Variants in F8 observed in about 807,000 individuals in gnomAD.
F8 encodes the protein coagulation factor VIII, also known as antihemophilic factor.
A neutral mutation model predicts 140.6 loss-of-function variants in F8; 12 were observed. That is an observed-to-expected ratio of 0.09 (90% CI 0.05 to 0.14). The LOEUF is 0.14. Ranked by LOEUF, F8 falls within the 10% of genes least tolerant of loss-of-function variation. The pLI is 1.00. For synonymous variants in F8, 585 were observed against 614.6 expected (o/e 0.95, Z 0.71); for missense variants, 1,354 against 1,720.7 (o/e 0.79, Z 3.77).
At position 154,943,450 on chromosome X, in the gene F8, A is replaced by C. The variant is rs781968879; in HGVS notation, c.2113+4248T>G. On this transcript the variant is annotated intron_variant, in intron 13 of 25. Coordinates refer to ENST00000360256, the MANE Select transcript of F8 (RefSeq NM_000132.4). The stretch of plus-strand genomic sequence containing the variant: ...CAAAGAGAATAAAATACCTAGGAAT[A>C]CAACTTACAACGGATGTGAAGGACC... Among the ~76,000 whole-genome samples, 1,104 of 111,724 alleles carry C rather than the reference A, an allele frequency of 9.9e-3. 14 individuals carry two copies. The highest frequency in any genetic ancestry group is 0.034 in the African/African-American group (1,040 of 30,659).
At chrX:155,000,698 A>G (rs781876887) in intron 1 of F8, among the ~76,000 whole-genome samples, 3 of 112,365 alleles carry the variant, frequency 2.7e-5, no homozygotes, top group Non-Finnish European at 5.6e-5. Context: ...TGCCATAACA[A>G]AACACATCAG....
chrX:154,982,445 C>CA lies in F8; in HGVS notation c.787+2241dup, dbSNP rs782689011. ...CCTGGGCGACAGCAAGACTCCGTCT[C>CA]AAAAAAAAAAAAAAAAAAAATATAT... On this transcript the variant is annotated intron_variant, in intron 6 of 25. Transcript: ENST00000360256. Among the ~76,000 whole-genome samples the CA allele has an allele frequency of 4.3e-3, 257 of 59,406 alleles. 2 individuals carry two copies. The highest frequency in any genetic ancestry group is 7.8e-3 in the African/African-American group (126 of 16,115). The allele number at this position is 59,406 out of a possible 115,157, so 51.6% of individuals were successfully genotyped here.
chrX:154,962,228 T>A (rs1557281636), intron 9 of F8, among the ~76,000 whole-genome samples: 2 of 112,052 alleles, frequency 1.8e-5, no homozygotes, highest in Non-Finnish European at 3.8e-5. Flanking sequence ...CCTGCAACCC[T>A]TTCCACTCCA....
chrX:154,937,731 C>T (rs1332242170), intron 13 of F8, among the ~76,000 whole-genome samples: 2 of 110,935 alleles, frequency 1.8e-5, no homozygotes, highest in Non-Finnish European at 3.8e-5. Context: ...ATGTGCAAGA[C>T]CTGTACACTA....
At chrX:154,987,916 T>C (rs1325881987) in intron 4 of F8, among the ~76,000 whole-genome samples, 1 of 112,358 alleles carries the variant, frequency 8.9e-6, no homozygotes, top group Admixed American at 9.5e-5. Flanking sequence ...GTTTACAGGC[T>C]TATTTTGAGT....
chrX:154,860,109 T>G (rs1364002934), intron 25 of F8, among the ~76,000 whole-genome samples: 1 of 112,010 alleles, frequency 8.9e-6, no homozygotes, highest in Non-Finnish European at 1.9e-5. Context: ...CAGGACAATT[T>G]GTTGAATTAT....
intron 12 of F8, among the ~76,000 whole-genome samples, chrX:154,952,679 A>C (rs1356142239): frequency 9.1e-6 from 1 of 109,807 alleles, no homozygotes; most frequent in Non-Finnish European, 1.9e-5. Context: ...AGTAGCTGGG[A>C]CTACAGGCGG....
chrX:154,904,274 G>A, intron 17 of F8, 22 bp downstream of exon 17: 1 of 1,165,928 alleles, frequency 8.6e-7, no homozygotes, highest in Non-Finnish European at 1.2e-6. Context: ...CAGTGATAAT[G>A]TTTGGATGTG....
intron 3 of F8, among the ~76,000 whole-genome samples, chrX:154,993,893 G>T (rs2073602686): frequency 8.9e-6 from 1 of 111,985 alleles, no homozygotes; most frequent in Non-Finnish European, 1.9e-5. Context: ...GACATATAAA[G>T]ATATAATTAT....
At position 154,947,861 on chromosome X, in the gene F8, C is replaced by G. The variant is rs1557280438; in HGVS notation, c.1950G>C (p.Leu650Phe). Residue 650 changes from leucine to phenylalanine, a missense_variant, in exon 13 of 26, where the codon TTG (leucine) becomes TTC (phenylalanine). Coordinates refer to ENST00000360256, the MANE Select transcript of F8 (RefSeq NM_000132.4). ...GAATGTACCAGTATGCCACCTCATGCAAACAAACTGACAACTGCAAACTAT... is the reference window on the plus strand; with the variant it reads ...GAATGTACCAGTATGCCACCTCATGGAAACAAACTGACAACTGCAAACTAT... ...VFDSLQLSVC[L>F]HEVAYWYILS... 2.5e-6 allele frequency: 3 copies of G among 1,211,257 alleles called. No homozygotes were observed. Among genetic ancestry groups the G allele is most frequent in the Non-Finnish European group, 3.4e-6 (3 of 895,138 alleles).
At chrX:155,009,337 T>A (rs2073694296) in intron 1 of F8, among the ~76,000 whole-genome samples, 1 of 111,191 alleles carries the variant, frequency 9.0e-6, no homozygotes, top group South Asian at 3.8e-4. Flanking sequence ...TTTTTCCATA[T>A]CATATCCTTG....
intron 4 of F8, among the ~76,000 whole-genome samples, chrX:154,988,972 C>A (rs1468431854): frequency 8.9e-6 from 1 of 112,112 alleles, no homozygotes; most frequent in East Asian, 2.8e-4. Flanking sequence ...ATTTCCACCC[C>A]TTTTACTACT....
intron 6 of F8, among the ~76,000 whole-genome samples, chrX:154,973,805 T>A (rs1307535091): frequency 1.8e-5 from 2 of 111,521 alleles, no homozygotes; most frequent in Non-Finnish European, 3.8e-5. Context: ...TTTGTTTTTG[T>A]TTTTGTTTCG....
intron 22 of F8, 94 bp from the exon 23 acceptor site, chrX:154,863,321 C>T (rs782193398): frequency 1.2e-4 from 99 of 832,487 alleles, no homozygotes; most frequent in Admixed American, 2.9e-4. Context: ...TTGCTTTGTG[C>T]GTTTCTCAAC....
intron 6 of F8, chrX:154,977,576 T>G: frequency 1.9e-5 from 2 of 107,322 alleles, no homozygotes; most frequent in African/African-American, 6.9e-5. Context: ...TTTTTTTTTT[T>G]TCTCTCTCTC....
chrX:154,904,646 C>A, intron 16 of F8, 122 bp from the exon 17 acceptor site: 1 of 758,348 alleles, frequency 1.3e-6, no homozygotes, highest in Middle Eastern at 2.9e-4. Flanking sequence ...TATAATCCAT[C>A]CTCTTCAGTA....
chrX:154,928,432 T>C (rs2073171464), intron 14 of F8, 139 bp downstream of exon 14: 2 of 564,525 alleles, frequency 3.5e-6, no homozygotes, highest in South Asian at 5.6e-5. Context: ...CTTGTAAACC[T>C]CTCTTCTCTC....
At chrX:154,888,409 C>CTTTT (rs1569559435) in intron 22 of F8, among the ~76,000 whole-genome samples, 6 of 5,664 alleles carry the variant, frequency 1.1e-3, no homozygotes, top group African/African-American at 5.5e-3. Flanking sequence ...TTTTTTTTCC[C>CTTTT]CCCGAGATGG....
At position 154,836,224 on chromosome X, in the gene F8, A is replaced by G. The variant is rs2072473863; in HGVS notation, c.*1373T>C. ...TCAGATTGGGATCCATTTTTCTTTC[A>G]TATTAGGATCTCCTGTTTTCCATTT... On this transcript the variant is annotated 3_prime_UTR_variant, in exon 26 of 26. Coordinates refer to ENST00000360256, the MANE Select transcript of F8 (RefSeq NM_000132.4). 8.9e-6 allele frequency: 1 copy of G among 111,854 alleles called. No homozygotes were observed. Among genetic ancestry groups the G allele is most frequent in the South Asian group, 3.7e-4 (1 of 2,684 alleles). The allele number at this position is 111,854 out of a possible 1,213,427, so 9.2% of individuals were successfully genotyped here.
Sources: allele counts gnomAD v4.1 joint callset (sites outside exome capture counted in the v4.1 genomes callset), GRCh38; gene constraint gnomAD v4.1.1; transcripts MANE v1.5; gene names NCBI Gene and HGNC (gene_info 2026-07-23, HGNC 2026-07-21).